Variants in SGCZ observed in about 807,000 individuals in gnomAD.
SGCZ encodes sarcoglycan zeta, also known as zeta-sarcoglycan.
In SGCZ, 40 loss-of-function variants were observed where a neutral mutation model predicts 41.3. The observed-to-expected ratio is 0.97, with a 90% CI of 0.75 to 1.26. The LOEUF is 1.26. Ranked by LOEUF, SGCZ falls within the 50% of genes most tolerant of loss-of-function variation. The probability of loss-of-function intolerance (pLI) is 0.00; values close to 1 mark genes in which losing one functional copy is unlikely to be tolerated. For synonymous variants in SGCZ, 206 were observed against 137.5 expected (o/e 1.50, Z -3.49); for missense variants, 552 against 369.8 (o/e 1.49, Z -4.04).
At chr8:15,136,117 G>T (rs147576290) in intron 1 of SGCZ, among the ~76,000 whole-genome samples, 4 of 152,186 alleles carry the variant, frequency 2.6e-5, no homozygotes, top group African/African-American at 7.2e-5. Flanking sequence ...TCCCATCCCT[G>T]TTTTAGCTGG....
chr8:15,174,831 A>T (rs1799950156), intron 1 of SGCZ, among the ~76,000 whole-genome samples: 1 of 152,204 alleles, frequency 6.6e-6, no homozygotes, highest in South Asian at 2.1e-4. Flanking sequence ...ATTATTGGCT[A>T]TTACTAAAAA....
chr8:14,712,293 G>A (rs1809545699), intron 1 of SGCZ, among the ~76,000 whole-genome samples: 2 of 152,140 alleles, frequency 1.3e-5, no homozygotes, highest in African/African-American at 4.8e-5. Flanking sequence ...GGCGCTGCCT[G>A]GTTGATGAAA....
intron 2 of SGCZ, among the ~76,000 whole-genome samples, chr8:14,444,371 A>C (rs1800367014): frequency 6.6e-6 from 1 of 152,116 alleles, no homozygotes. Context: ...ACGTATGTTT[A>C]TTGCGGCACT....
At chr8:14,268,842 G>C (rs1283559154) in intron 3 of SGCZ, among the ~76,000 whole-genome samples, 1 of 151,748 alleles carries the variant, frequency 6.6e-6, no homozygotes, top group East Asian at 1.9e-4. Flanking sequence ...CTTGAAGTAT[G>C]TTAAAAACGT....
chr8:14,157,388 G>GTGTGTA, intron 5 of SGCZ, among the ~76,000 whole-genome samples: 2 of 149,686 alleles, frequency 1.3e-5, no homozygotes, highest in African/African-American at 4.9e-5. Context: ...GTGTGTGTGT[G>GTGTGTA]TGTGTATGCT....
intron 5 of SGCZ, among the ~76,000 whole-genome samples, chr8:14,124,674 T>G (rs1024881200): frequency 1.3e-5 from 2 of 152,198 alleles, no homozygotes; most frequent in Non-Finnish European, 2.9e-5. Flanking sequence ...ATAAAGAGTT[T>G]CTCCAGGAGG....
At chr8:14,908,488 A>C (rs1328003683) in intron 1 of SGCZ, among the ~76,000 whole-genome samples, 1 of 152,184 alleles carries the variant, frequency 6.6e-6, no homozygotes, top group African/African-American at 2.4e-5. Flanking sequence ...GCACTGGCTC[A>C]CGCCTGTAAT....
At position 15,066,233 on chromosome 8, in the gene SGCZ, G is replaced by A. The variant is rs903338248; in HGVS notation, c.39+171352C>T. 4.6e-5 allele frequency among the ~76,000 whole-genome samples: 7 copies of A among 151,140 alleles called. 1 individual carries two copies. Among genetic ancestry groups the A allele is most frequent in the Admixed American group, 2.0e-4 (3 of 15,166 alleles). ...TGAGGCAGGAGAATGGCGTGAACCC[G>A]GGAAGCGGAGCTTGCCGTGAGCCGA... On this transcript the variant is annotated intron_variant, in intron 1 of 7. Coordinates refer to ENST00000382080, the MANE Select transcript of SGCZ (RefSeq NM_139167.4).
At position 14,298,074 on chromosome 8, in the gene SGCZ, T is replaced by C. The variant is rs1055701609; in HGVS notation, c.336+26029A>G. ...AAATATTTATTGTGAATTAATATAA[T>C]TCATAATATTACAGATGAGAAAATG... On this transcript the variant is annotated intron_variant, in intron 3 of 7. Transcript: ENST00000382080. Among the ~76,000 whole-genome samples, 4 of 152,130 alleles carry C rather than the reference T, an allele frequency of 2.6e-5. No homozygotes were observed. The East Asian group carries it at 7.7e-4, about 29-fold the overall frequency.
chr8:15,227,525 G>A (rs1801818386), intron 1 of SGCZ, among the ~76,000 whole-genome samples: 1 of 152,108 alleles, frequency 6.6e-6, no homozygotes, highest in African/African-American at 2.4e-5. Context: ...TAAGTCAAAT[G>A]TTCTTTTGGG....
chr8:14,230,928 C>T (rs1051407965), intron 4 of SGCZ, among the ~76,000 whole-genome samples: 6 of 151,956 alleles, frequency 3.9e-5, no homozygotes, highest in South Asian at 4.2e-4. Flanking sequence ...CTTAAACATA[C>T]GTGGTTGTAC....
intron 2 of SGCZ, among the ~76,000 whole-genome samples, chr8:14,468,480 T>C (rs1208448575): frequency 2.0e-5 from 3 of 152,128 alleles, no homozygotes; most frequent in Non-Finnish European, 2.9e-5. Flanking sequence ...AAATGGCTTA[T>C]AGCTGTTTCA....
chr8:14,175,141 C>G (rs866831964), intron 4 of SGCZ, among the ~76,000 whole-genome samples: 1 of 151,940 alleles, frequency 6.6e-6, no homozygotes, highest in Admixed American at 6.6e-5. Flanking sequence ...CTTCAATGCC[C>G]TAGAAGAAAA....
chr8:14,847,125 GAAAGAAGAAGAAGAAGAA>G (rs1563312190), intron 1 of SGCZ, among the ~76,000 whole-genome samples: 1 of 61,754 alleles, frequency 1.6e-5, no homozygotes, highest in African/African-American at 5.1e-5. Flanking sequence ...AGAAGAAGAA[GAAAGAAGAAGAAGAAGAA>G]GAAGAAGAAG....
At chr8:15,008,399 G>A (rs1585466409) in intron 1 of SGCZ, among the ~76,000 whole-genome samples, 1 of 151,480 alleles carries the variant, frequency 6.6e-6, no homozygotes. Flanking sequence ...TAGAAGGACA[G>A]TAGATATAAC....
At chr8:14,207,312 T>C (rs1239543899) in intron 4 of SGCZ, among the ~76,000 whole-genome samples, 5 of 152,194 alleles carry the variant, frequency 3.3e-5, no homozygotes, top group Non-Finnish European at 7.3e-5. Context: ...TAAGATAAAT[T>C]AGAAGTAAAT....
chr8:14,390,540 A>C (rs1006536115), intron 2 of SGCZ, among the ~76,000 whole-genome samples: 4 of 151,950 alleles, frequency 2.6e-5, no homozygotes, highest in Non-Finnish European at 5.9e-5. Flanking sequence ...AGTTCAAATA[A>C]AAGAAACACT....
intron 1 of SGCZ, among the ~76,000 whole-genome samples, chr8:14,669,385 G>GTAAGTAAGTAAGTAAATAAATAAA (rs1465447907): frequency 3.6e-5 from 2 of 55,128 alleles, no homozygotes; most frequent in African/African-American, 3.2e-4. Context: ...AAGTAAGTAA[G>GTAAGTAAGTAAGTAAATAAATAAA]TAAATAAATA....
chr8:14,625,624 T>A (rs1342094250), intron 1 of SGCZ, among the ~76,000 whole-genome samples: 3 of 152,110 alleles, frequency 2.0e-5, no homozygotes, highest in Non-Finnish European at 4.4e-5. Flanking sequence ...GAAGACAGGG[T>A]CTCACTAGGT....
Sources: gnomAD v4.1 joint callset for allele counts (sites outside exome capture counted in the v4.1 genomes callset) on GRCh38, gnomAD v4.1.1 for gene constraint, MANE v1.5 for transcripts, NCBI Gene and HGNC (gene_info 2026-07-23, HGNC 2026-07-21) for gene names.